USP14: variants seen among roughly 807,000 people sequenced by gnomAD.
USP14 encodes the protein ubiquitin specific peptidase 14, also known as ubiquitin carboxyl-terminal hydrolase 14.
In USP14, 38 loss-of-function variants were observed where a neutral mutation model predicts 76.5. The observed-to-expected ratio is 0.50, with a 90% CI of 0.38 to 0.65. The LOEUF (loss-of-function observed/expected upper bound fraction) is 0.65. Ranked by LOEUF, USP14 falls within the 30% of genes least tolerant of loss-of-function variation. The pLI, the probability that USP14 is intolerant of heterozygous loss-of-function variation, is 0.00. For missense variants in USP14, 467 were observed against 586.5 expected (o/e 0.80, Z 2.10); for synonymous variants, 192 against 191.7 (o/e 1.00, Z -0.01).
intron 1 of USP14, among the ~76,000 whole-genome samples, chr18:161,613 A>G (rs1023817805): frequency 4.6e-5 from 7 of 152,080 alleles, no homozygotes; most frequent in African/African-American, 9.7e-5. Flanking sequence ...AGTCTTCCCA[A>G]TGCTTTGTAC....
At chr18:200,871 G>A (rs994308429) in intron 10 of USP14, among the ~76,000 whole-genome samples, 1 of 151,912 alleles carries the variant, frequency 6.6e-6, no homozygotes, top group Non-Finnish European at 1.5e-5. Flanking sequence ...GCACAATCTC[G>A]GCTCACTGCA....
At chr18:169,272 A>C (rs1446894032) in intron 3 of USP14, among the ~76,000 whole-genome samples, 1 of 150,256 alleles carries the variant, frequency 6.7e-6, no homozygotes, top group East Asian at 2.0e-4. Flanking sequence ...ACGCCAAGAG[A>C]ATTGCTTGAC....
chr18:198,606 G>T (rs1567834732), intron 9 of USP14, among the ~76,000 whole-genome samples: 2 of 151,502 alleles, frequency 1.3e-5, no homozygotes, highest in Non-Finnish European at 2.9e-5. Flanking sequence ...AAGGATAATG[G>T]GATTATTCAT....
intron 12 of USP14, among the ~76,000 whole-genome samples, chr18:203,907 G>T (rs528687109): frequency 6.6e-6 from 1 of 152,224 alleles, no homozygotes; most frequent in Admixed American, 6.5e-5. Context: ...AATCACTGGT[G>T]CCCAAAGAGT....
intron 3 of USP14, among the ~76,000 whole-genome samples, chr18:170,579 G>A (rs1307518586): frequency 6.6e-6 from 1 of 152,178 alleles, no homozygotes. Flanking sequence ...AAGTGATAAA[G>A]CAAAGCAGCC....
intron 3 of USP14, among the ~76,000 whole-genome samples, chr18:171,525 C>T (rs1157150705): frequency 2.0e-5 from 3 of 152,120 alleles, no homozygotes; most frequent in South Asian, 4.1e-4. Flanking sequence ...ATTGAGACTT[C>T]CTGCTCAGAA....
At chr18:171,021 A>ATATATATATATATAT (rs1555762320) in intron 3 of USP14, among the ~76,000 whole-genome samples, 1 of 84,552 alleles carries the variant, frequency 1.2e-5, no homozygotes, top group Non-Finnish European at 2.1e-5. Context: ...AAAAAAAAAA[A>ATATATATATATATAT]AAAAATATAT....
chr18:196,561 A>C, intron 6 of USP14, 76 bp from the exon 7 acceptor site: 2 of 1,482,114 alleles, frequency 1.3e-6, no homozygotes, highest in Non-Finnish European at 1.8e-6. Context: ...TGTTTGTATT[A>C]ATTAAAATTA....
chr18:199,820 T>C (rs1390852582), intron 10 of USP14, among the ~76,000 whole-genome samples: 1 of 152,198 alleles, frequency 6.6e-6, no homozygotes, highest in African/African-American at 2.4e-5. Flanking sequence ...GATGAAAATG[T>C]TGTGATCAAA....
chr18:208,332 T>C (rs1910582738), intron 13 of USP14, among the ~76,000 whole-genome samples: 1 of 152,150 alleles, frequency 6.6e-6, no homozygotes, highest in South Asian at 2.1e-4. Context: ...TGTAGAGTGT[T>C]TAGTGAGTGA....
At chr18:183,051 A>C (rs1909828612) in intron 5 of USP14, among the ~76,000 whole-genome samples, 3 of 152,330 alleles carry the variant, frequency 2.0e-5, no homozygotes, top group South Asian at 4.1e-4. Context: ...TTATTCTTCA[A>C]CAGTTTTTAT....
chr18:198,786 AT>A (rs1910310808), intron 9 of USP14, among the ~76,000 whole-genome samples: 1 of 152,110 alleles, frequency 6.6e-6, no homozygotes, highest in Admixed American at 6.5e-5. Context: ...TAAAAAAAGA[AT>A]TTTTTAATTT....
intron 10 of USP14, 48 bp downstream of exon 10, chr18:199,364 G>A: frequency 7.5e-7 from 1 of 1,341,942 alleles, no homozygotes; most frequent in Non-Finnish European, 1.1e-6. Flanking sequence ...TTCCATGTTT[G>A]CGAGTAAGCC....
At position 213,138 on chromosome 18, in the gene USP14, C is replaced by G. The variant is rs926702500; in HGVS notation, c.*1854C>G. Reference sequence around the variant, plus strand: ...ATGATTCATGTATATTTGTATGATGCTTGTAACTTTGCAAAGTCTTTTTTA... The same window carrying G: ...ATGATTCATGTATATTTGTATGATGGTTGTAACTTTGCAAAGTCTTTTTTA... On this transcript the variant is annotated 3_prime_UTR_variant, in exon 16 of 16. Coordinates refer to ENST00000261601, the MANE Select transcript of USP14 (RefSeq NM_005151.4). 1 of 151,950 alleles carries G rather than the reference C, an allele frequency of 6.6e-6. No individual in the cohort carries two copies. Among genetic ancestry groups the G allele is most frequent in the African/African-American group, 2.4e-5 (1 of 41,298 alleles). The allele number at this position is 151,950 out of a possible 1,614,324, so 9.4% of individuals were successfully genotyped here. A position where few individuals can be genotyped will look rare whatever the true frequency, so the allele number is the denominator to read the frequency against.
At chr18:199,003 A>G (rs1345065290) in intron 9 of USP14, among the ~76,000 whole-genome samples, 199 bp from the exon 10 acceptor site, 2 of 152,156 alleles carry the variant, frequency 1.3e-5, no homozygotes, top group African/African-American at 4.8e-5. Flanking sequence ...CACATTTATT[A>G]CTCATTGTTG....
Position 198,509 on chromosome 18 carries a change from G to A in USP14, c.761+377G>A, listed in dbSNP as rs116157283. On this transcript the variant is annotated intron_variant, in intron 9 of 15. Coordinates refer to ENST00000261601, the MANE Select transcript of USP14 (RefSeq NM_005151.4). ...CCTTGGCCTCCAGGTGTGAGCCACC[G>A]CGCCCAGCCCAGAGGTTTTTATACC... Among the ~76,000 whole-genome samples the A allele has an allele frequency of 3.0e-3, 464 of 152,142 alleles. 5 individuals carry two copies. The highest frequency in any genetic ancestry group is 0.01 in the African/African-American group (432 of 41,518).
intron 5 of USP14, among the ~76,000 whole-genome samples, chr18:181,232 G>A (rs1371040627): frequency 2.6e-5 from 4 of 152,118 alleles, no homozygotes; most frequent in African/African-American, 7.2e-5. Context: ...GTAGATGAAC[G>A]TTTTCATATA....
intron 10 of USP14, among the ~76,000 whole-genome samples, chr18:201,966 T>C (rs1408207877): frequency 2.0e-5 from 3 of 152,240 alleles, no homozygotes; most frequent in Non-Finnish European, 4.4e-5. Context: ...TGAATAAACT[T>C]GGTTAAATGT....
chr18:187,703 T>C (rs1441140056), intron 5 of USP14, among the ~76,000 whole-genome samples: 1 of 152,174 alleles, frequency 6.6e-6, no homozygotes, highest in African/African-American at 2.4e-5. Flanking sequence ...TTGGCCCTGC[T>C]AGCTGATGGG....
Sources: allele counts gnomAD v4.1 joint callset (sites outside exome capture counted in the v4.1 genomes callset), GRCh38; gene constraint gnomAD v4.1.1; transcripts MANE v1.5; gene names NCBI Gene and HGNC (gene_info 2026-07-23, HGNC 2026-07-21).